The following NXPH1 variants were observed in gnomAD, a reference collection of about 807,000 sequenced individuals.
NXPH1 encodes neurexophilin-1.
A neutral mutation model predicts 23.7 loss-of-function variants in NXPH1; 5 were observed. The ratio of observed to expected loss-of-function variants is 0.21; its 90% CI spans 0.11 to 0.44. The LOEUF (loss-of-function observed/expected upper bound fraction) is 0.44. Ranked by LOEUF, NXPH1 falls within the 20% of genes least tolerant of loss-of-function variation. The probability of loss-of-function intolerance (pLI) is 0.99; values close to 1 mark genes in which losing one functional copy is unlikely to be tolerated. For missense variants in NXPH1, 324 were observed against 321.6 expected (o/e 1.01, Z -0.06); for synonymous variants, 144 against 122.2 (o/e 1.18, Z -1.18).
chr7:8,649,910 C>T (rs1007246587), intron 2 of NXPH1, among the ~76,000 whole-genome samples: 1 of 152,072 alleles, frequency 6.6e-6, no homozygotes, highest in Non-Finnish European at 1.5e-5. Context: ...CATTGCTTTC[C>T]TGTGATATCC....
intron 2 of NXPH1, among the ~76,000 whole-genome samples, chr7:8,641,861 T>G (rs925734878): frequency 1.3e-5 from 2 of 152,238 alleles, no homozygotes; most frequent in African/African-American, 4.8e-5. Flanking sequence ...TTAGCTTAGT[T>G]TTCTGTGAAT....
intron 2 of NXPH1, among the ~76,000 whole-genome samples, chr7:8,657,239 T>C (rs1039107353): frequency 6.6e-6 from 1 of 152,170 alleles, no homozygotes; most frequent in Non-Finnish European, 1.5e-5. Context: ...ATAAATGCCA[T>C]AAGGTAGTGC....
In NXPH1 at chr7:8,591,805, C is replaced by CTGACTTTGGGT. The variant is rs1819099989; in HGVS notation, c.54+156042_54+156052dup. Among the ~76,000 whole-genome samples, 3 of 150,126 alleles carry CTGACTTTGGGT rather than the reference C, an allele frequency of 2.0e-5. No homozygotes were observed. In the South Asian group the frequency reaches 6.3e-4, roughly 31 times the overall value. On this transcript the variant is annotated intron_variant, in intron 2 of 2. Coordinates refer to ENST00000405863, the MANE Select transcript of NXPH1 (RefSeq NM_152745.3). The stretch of plus-strand genomic sequence containing the variant: ...CACAACTTAATGAACACTGTATTTG[C>CTGACTTTGGGT]TGACTTTGGGTTGAAAGGGAGGGTG...
chr7:8,462,349 G>T (rs1161107593), intron 2 of NXPH1, among the ~76,000 whole-genome samples: 1 of 152,148 alleles, frequency 6.6e-6, no homozygotes, highest in Non-Finnish European at 1.5e-5. Context: ...ACCCGACCTT[G>T]TATTATAATT....
chr7:8,728,530 TGA>T (rs1780096012), intron 2 of NXPH1, among the ~76,000 whole-genome samples: 1 of 152,198 alleles, frequency 6.6e-6, no homozygotes. Flanking sequence ...CTTAATTTAT[TGA>T]GAGTTTTTAG....
At chr7:8,651,218 G>T in intron 2 of NXPH1, among the ~76,000 whole-genome samples, 1 of 71,800 alleles carries the variant, frequency 1.4e-5, no homozygotes, top group Admixed American at 2.0e-4. Context: ...GAGAATATGC[G>T]GTGTTTGGTT....
At chr7:8,517,326 AGAGT>A (rs1279810225) in intron 2 of NXPH1, among the ~76,000 whole-genome samples, 1 of 152,168 alleles carries the variant, frequency 6.6e-6, no homozygotes, top group African/African-American at 2.4e-5. Flanking sequence ...TTAACTGATC[AGAGT>A]GAGGAGAAGA....
chr7:8,592,959 C>T (rs993672207), intron 2 of NXPH1, among the ~76,000 whole-genome samples: 10 of 151,830 alleles, frequency 6.6e-5, no homozygotes, highest in African/African-American at 2.4e-4. Flanking sequence ...ACCTGCTCTC[C>T]TCATTGTCCC....
chr7:8,610,147 A>G (rs1177327228), intron 2 of NXPH1, among the ~76,000 whole-genome samples: 1 of 152,194 alleles, frequency 6.6e-6, no homozygotes, highest in Non-Finnish European at 1.5e-5. Flanking sequence ...GCAATTTCAC[A>G]TTTGACTAAC....
chr7:8,486,595 G>A (rs1255561203), intron 2 of NXPH1, among the ~76,000 whole-genome samples: 1 of 152,174 alleles, frequency 6.6e-6, no homozygotes, highest in African/African-American at 2.4e-5. Flanking sequence ...GGATCATAAA[G>A]ACCTGCCTAG....
intron 2 of NXPH1, among the ~76,000 whole-genome samples, chr7:8,686,939 A>AT (rs891888656): frequency 3.3e-5 from 5 of 152,100 alleles, no homozygotes; most frequent in African/African-American, 1.2e-4. Context: ...AAGAAGTTTT[A>AT]TTTTTTAATG....
intron 2 of NXPH1, among the ~76,000 whole-genome samples, chr7:8,737,775 A>C (rs1233717677): frequency 3.3e-5 from 5 of 152,116 alleles, no homozygotes; most frequent in Non-Finnish European, 7.4e-5. Flanking sequence ...ACACCAGTCA[A>C]AGGTAGGTTT....
intron 2 of NXPH1, among the ~76,000 whole-genome samples, chr7:8,692,808 T>G (rs1312960290): frequency 6.6e-6 from 1 of 152,106 alleles, no homozygotes; most frequent in Non-Finnish European, 1.5e-5. Context: ...AGAAGCATGA[T>G]AGAAAGGGAT....
intron 2 of NXPH1, among the ~76,000 whole-genome samples, chr7:8,507,065 G>A (rs553535876): frequency 3.1e-4 from 47 of 150,062 alleles, no homozygotes; most frequent in Middle Eastern, 3.4e-3. Flanking sequence ...GGGAAGCTAT[G>A]CAACAGTTCA....
At chr7:8,707,608 C>G (rs567780763) in intron 2 of NXPH1, among the ~76,000 whole-genome samples, 1 of 152,116 alleles carries the variant, frequency 6.6e-6, no homozygotes, top group African/African-American at 2.4e-5. Context: ...ATATACTCAT[C>G]ATCTCATACA....
intron 2 of NXPH1, among the ~76,000 whole-genome samples, chr7:8,562,734 G>C (rs779040906): frequency 6.6e-6 from 1 of 151,446 alleles, no homozygotes. Flanking sequence ...TAATATAAAT[G>C]GGAATGCTCA....
chr7:8,715,915 G>A (rs767751905), intron 2 of NXPH1, among the ~76,000 whole-genome samples: 1 of 151,986 alleles, frequency 6.6e-6, no homozygotes, highest in Non-Finnish European at 1.5e-5. Flanking sequence ...GTGTGTGTTT[G>A]TGTGTGTATA....
At chr7:8,702,883 G>A (rs10282568) in intron 2 of NXPH1, among the ~76,000 whole-genome samples, 99,773 of 151,872 alleles carry the variant, frequency 0.66, 33,208 homozygotes, top group East Asian at 0.91. Context: ...TAAAATATGT[G>A]CTCATTATCC....
At chr7:8,541,593 C>T (rs1818117967) in intron 2 of NXPH1, among the ~76,000 whole-genome samples, 1 of 151,538 alleles carries the variant, frequency 6.6e-6, no homozygotes, top group Non-Finnish European at 1.5e-5. Flanking sequence ...CTGGTTGCCA[C>T]ATGGGTAAAT....
Sources: gnomAD v4.1 joint callset for allele counts (sites outside exome capture counted in the v4.1 genomes callset) on GRCh38, gnomAD v4.1.1 for gene constraint, MANE v1.5 for transcripts, NCBI Gene and HGNC (gene_info 2026-07-23, HGNC 2026-07-21) for gene names.